DLGAP2: variants seen among roughly 807,000 people sequenced by gnomAD.
DLGAP2 encodes the protein disks large-associated protein 2.
In DLGAP2, 26 loss-of-function variants were observed where a neutral mutation model predicts 100.3. That is an observed-to-expected ratio of 0.26 (90% CI 0.19 to 0.36). The LOEUF (loss-of-function observed/expected upper bound fraction) is 0.36. DLGAP2 is among the 10% of genes least tolerant of loss of function. The pLI, the probability that DLGAP2 is intolerant of heterozygous loss-of-function variation, is 1.00. For missense variants in DLGAP2, 1,858 were observed against 1,453.2 expected, an observed-to-expected ratio of 1.28 and a Z score of -4.53; for synonymous variants, 886 against 630.1, an observed-to-expected ratio of 1.41 and a Z score of -6.08.
At chr8:1,629,726 A>G (rs1385637332) in intron 7 of DLGAP2, among the ~76,000 whole-genome samples, 2 of 152,272 alleles carry the variant, frequency 1.3e-5, no homozygotes, top group Non-Finnish European at 2.9e-5. Context: ...AAAGGTTTAA[A>G]CAGAAGTGCA....
chr8:1,684,592 A>C (rs1220958926), intron 12 of DLGAP2, among the ~76,000 whole-genome samples: 6 of 152,164 alleles, frequency 3.9e-5, no homozygotes, highest in Non-Finnish European at 4.4e-5. Context: ...ATCTAGATTC[A>C]GTCAGTCTTC....
Position 1,359,440 on chromosome 8 carries a change from G to A in DLGAP2, c.106+100557G>A, listed in dbSNP as rs182155584. Among the ~76,000 whole-genome samples the A allele has an allele frequency of 3.3e-5, 5 of 152,380 alleles. No homozygotes were observed. The East Asian group carries it at 7.7e-4, about 24-fold the overall frequency. On this transcript the variant is annotated intron_variant, in intron 3 of 14. Coordinates refer to ENST00000637795, the MANE Select transcript of DLGAP2 (RefSeq NM_001346810.2). Reference sequence around the variant, plus strand: ...TTAAAACAGGAAGTAAGGACAGGTTGGAGCCCAGGAACGTGGGCGTGGGGA... The same window carrying A: ...TTAAAACAGGAAGTAAGGACAGGTTAGAGCCCAGGAACGTGGGCGTGGGGA...
At chr8:1,676,396 T>C (rs1377070406) in intron 10 of DLGAP2, 137 bp from the exon 11 acceptor site, 1 of 841,222 alleles carries the variant, frequency 1.2e-6, no homozygotes, top group African/African-American at 1.7e-5. Context: ...CTCTGCGGTT[T>C]TACTGGGTCA....
intron 1 of DLGAP2, among the ~76,000 whole-genome samples, chr8:872,890 C>A (rs144715623): frequency 8.1e-4 from 123 of 152,282 alleles, no homozygotes; most frequent in African/African-American, 2.9e-3. Flanking sequence ...TGCCAGGACC[C>A]CCACAGATAC....
rs1263558082 is a variant in DLGAP2, at chr8:1,196,939, T to C, written c.74-61912T>C. Among the ~76,000 whole-genome samples, 7 of 152,158 alleles carry C rather than the reference T, an allele frequency of 4.6e-5. No homozygotes were observed. The East Asian group carries it at 1.4e-3, about 29-fold the overall frequency. On this transcript the variant is annotated intron_variant, in intron 2 of 14. Coordinates refer to ENST00000637795, the MANE Select transcript of DLGAP2 (RefSeq NM_001346810.2). ...TTATGGGGGCTGAGAGGTCCCACTA[T>C]TGTCCATCCACAAGCTGGAGACCCA...
chr8:883,757 A>C (rs552825686), intron 1 of DLGAP2, among the ~76,000 whole-genome samples: 1 of 152,088 alleles, frequency 6.6e-6, no homozygotes, highest in South Asian at 2.1e-4. Context: ...GGTTTGCTGC[A>C]CCTATTAACC....
intron 4 of DLGAP2, among the ~76,000 whole-genome samples, chr8:1,504,326 A>G (rs1799827411): frequency 6.6e-6 from 1 of 152,142 alleles, no homozygotes; most frequent in Non-Finnish European, 1.5e-5. Context: ...ATGTTTTGAT[A>G]CAGGTATACG....
chr8:1,473,755 T>A (rs757450492), intron 3 of DLGAP2, among the ~76,000 whole-genome samples: 1 of 152,192 alleles, frequency 6.6e-6, no homozygotes, highest in South Asian at 2.1e-4. Flanking sequence ...CCCTCCATAC[T>A]GTTCTCATGG....
chr8:1,099,345 C>T (rs564949264), intron 2 of DLGAP2, among the ~76,000 whole-genome samples: 4 of 152,332 alleles, frequency 2.6e-5, no homozygotes, highest in East Asian at 3.9e-4. Context: ...CGTGTGTCTC[C>T]GGTGTGCATA....
At chr8:1,336,331 A>C (rs567728886) in intron 3 of DLGAP2, among the ~76,000 whole-genome samples, 1 of 152,302 alleles carries the variant, frequency 6.6e-6, no homozygotes, top group African/African-American at 2.4e-5. Flanking sequence ...GAAGTGAAGA[A>C]GGGAGAGGGG....
At chr8:941,430 G>A (rs143090503) in intron 2 of DLGAP2, among the ~76,000 whole-genome samples, 4 of 152,166 alleles carry the variant, frequency 2.6e-5, no homozygotes, top group South Asian at 2.1e-4. Flanking sequence ...TTACTCACTC[G>A]AGATGTGCAC....
intron 5 of DLGAP2, among the ~76,000 whole-genome samples, chr8:1,554,122 T>C (rs1295000221): frequency 1.3e-5 from 2 of 152,068 alleles, no homozygotes; most frequent in Admixed American, 6.5e-5. Context: ...ACCCTGTTTC[T>C]ACTAAAAATA....
At chr8:1,024,686 G>A (rs1177496748) in intron 2 of DLGAP2, among the ~76,000 whole-genome samples, 1 of 152,304 alleles carries the variant, frequency 6.6e-6, no homozygotes, top group Non-Finnish European at 1.5e-5. Context: ...CGGTGGGTTT[G>A]TTCTCTCTGC....
chr8:1,336,759 G>T (rs1433913928), intron 3 of DLGAP2, among the ~76,000 whole-genome samples: 1 of 152,214 alleles, frequency 6.6e-6, no homozygotes, highest in Non-Finnish European at 1.5e-5. Flanking sequence ...AGTGAAAGCA[G>T]TGGGCTCCTC....
chr8:872,003 A>G lies in DLGAP2; in HGVS notation c.19-35909A>G, dbSNP rs58474817. ...TTTTGCGTTAGCTATTTCCACACAT[A>G]TAACAGATTTTGTGATATGATTATA... On this transcript the variant is annotated intron_variant, in intron 1 of 14. Coordinates refer to ENST00000637795, the MANE Select transcript of DLGAP2 (RefSeq NM_001346810.2). Among the ~76,000 whole-genome samples, 481 of 152,274 alleles carry G rather than the reference A, an allele frequency of 3.2e-3. 3 individuals are homozygous for G. Among genetic ancestry groups the G allele is most frequent in the African/African-American group, 0.011 (466 of 41,556 alleles).
chr8:1,146,601 ATG>A (rs1491207103), intron 2 of DLGAP2, among the ~76,000 whole-genome samples: 2 of 151,890 alleles, frequency 1.3e-5, no homozygotes, highest in African/African-American at 2.4e-5. Context: ...GCACCTGCGC[ATG>A]TGTGTGCATG....
chr8:963,097 A>T (rs936463922), intron 2 of DLGAP2, among the ~76,000 whole-genome samples: 1 of 152,156 alleles, frequency 6.6e-6, no homozygotes, highest in Admixed American at 6.5e-5. Flanking sequence ...CACCAGTGAC[A>T]TCAGCATGAA....
intron 1 of DLGAP2, among the ~76,000 whole-genome samples, chr8:806,069 G>T (rs1475942374): frequency 1.3e-5 from 2 of 152,196 alleles, no homozygotes; most frequent in African/African-American, 4.8e-5. Flanking sequence ...AGATTGTTTG[G>T]AAACCACATG....
intron 5 of DLGAP2, among the ~76,000 whole-genome samples, chr8:1,559,378 T>C (rs1802082004): frequency 1.3e-5 from 2 of 152,152 alleles, no homozygotes; most frequent in African/African-American, 2.4e-5. Flanking sequence ...CGGAGAGAGA[T>C]TTGTTTGCTG....
Sources: allele counts gnomAD v4.1 joint callset (sites outside exome capture counted in the v4.1 genomes callset), GRCh38; gene constraint gnomAD v4.1.1; transcripts MANE v1.5; gene names NCBI Gene and HGNC (gene_info 2026-07-23, HGNC 2026-07-21).